The following FDFT1 variants were observed in gnomAD, a reference collection of about 807,000 sequenced individuals.
FDFT1 encodes the protein squalene synthase.
In FDFT1, 68 loss-of-function variants were observed where a neutral mutation model predicts 46.8. The ratio of observed to expected loss-of-function variants is 1.45; its 90% CI spans 1.19 to 1.78. The LOEUF (loss-of-function observed/expected upper bound fraction) is 1.78. FDFT1 is among the 40% of genes most tolerant of loss of function. FDFT1 has a pLI of 0.00. For synonymous variants in FDFT1, 351 were observed against 185.1 expected (o/e 1.90, Z -7.28); for missense variants, 928 against 524.4 (o/e 1.77, Z -7.52).
intron 7 of FDFT1, among the ~76,000 whole-genome samples, chr8:11,837,871 G>C (rs562702594): frequency 6.6e-6 from 1 of 152,274 alleles, no homozygotes; most frequent in African/African-American, 2.4e-5. Flanking sequence ...GGAGGCTTGT[G>C]GAGGAGTGGG....
chr8:11,824,797 G>A (rs190912300), intron 4 of FDFT1, among the ~76,000 whole-genome samples: 66 of 152,192 alleles, frequency 4.3e-4, no homozygotes, highest in South Asian at 1.7e-3. Flanking sequence ...GTGCAGTGGC[G>A]CGATCTCGGC....
chr8:11,831,835 G>C (rs1009469243), intron 7 of FDFT1, 165 bp downstream of exon 7: 2 of 634,334 alleles, frequency 3.2e-6, no homozygotes, highest in Non-Finnish European at 5.5e-6. Context: ...TCTATTCACA[G>C]GAGCCGAGCA....
intron 1 of FDFT1, chr8:11,803,644 CAA>C: frequency 2.1e-6 from 1 of 476,340 alleles, no homozygotes; most frequent in Non-Finnish European, 3.2e-6. Context: ...AATGAATAGA[CAA>C]ATTCAGCCAA....
At position 11,808,453 on chromosome 8, in the gene FDFT1, C is replaced by T. The variant is rs992216099; in HGVS notation, c.100-341C>T. The T allele has an allele frequency of 2.4e-5, 31 of 1,269,688 alleles. 1 individual carries two copies. The highest frequency in any genetic ancestry group is 2.8e-5 in the Non-Finnish European group (28 of 1,011,462). 78.7% of individuals were successfully genotyped at this position (1,269,688 alleles called of 1,614,324 possible). ...TAGAGGGCGAGCCCGTCCCGCCCCT[C>T]GTCGGGCGCTTCCCAGATCTGCTTG... On this transcript the variant is annotated intron_variant, in intron 1 of 7. Transcript: ENST00000220584.
chr8:11,798,394 A>G (rs1036508463), upstream of FDFT1, among the ~76,000 whole-genome samples: 1 of 152,210 alleles, frequency 6.6e-6, no homozygotes, highest in African/African-American at 2.4e-5. Flanking sequence ...TCTACCTGCC[A>G]TATGGGAAAG....
chr8:11,799,983 G>C (rs1371891523), upstream of FDFT1, among the ~76,000 whole-genome samples: 2 of 150,150 alleles, frequency 1.3e-5, no homozygotes, highest in South Asian at 2.1e-4. Flanking sequence ...GCACTCGAAG[G>C]CTGGGCGCAG....
At chr8:11,819,178 C>T (rs530670867) in intron 3 of FDFT1, among the ~76,000 whole-genome samples, 84 of 152,268 alleles carry the variant, frequency 5.5e-4, no homozygotes, top group African/African-American at 1.9e-3. Context: ...TATTGGCCCC[C>T]ACTCTCTTCT....
Position 11,802,879 on chromosome 8 carries a change from T to A in FDFT1, c.47T>A (p.Leu16Gln), listed in dbSNP as rs1179430180. Residue 16 changes from leucine to glutamine, a missense_variant, in exon 1 of 8, where the codon CTG becomes CAG. By Grantham distance (113) the Leu-to-Gln change is moderately radical. Coordinates refer to ENST00000220584, the MANE Select transcript of FDFT1 (RefSeq NM_004462.5). ...GGCCACCCCGAAGAGTTCTACAACC[T>A]GGTGCGCTTCCGGATCGGGGGCAAG... Reference protein sequence around the residue: ...CLGHPEEFYNLVRFRIGGKRK... With the variant: ...CLGHPEEFYNQVRFRIGGKRK... The A allele has an allele frequency of 6.2e-7, 1 of 1,612,394 alleles. No individual in the cohort carries two copies.
chr8:11,831,490 T>TGAGGTCTGGAG, intron 6 of FDFT1, 28 bp from the exon 7 acceptor site: 1 of 1,601,698 alleles, frequency 6.2e-7, no homozygotes, highest in South Asian at 1.1e-5. Context: ...CATTTCTTCT[T>TGAGGTCTGGAG]TTTTCCCTCT....
intron 3 of FDFT1, among the ~76,000 whole-genome samples, chr8:11,815,154 T>C (rs1274055837): frequency 5.9e-5 from 9 of 152,214 alleles, no homozygotes; most frequent in Non-Finnish European, 2.9e-5. Flanking sequence ...TTGCTCAGAA[T>C]GATGATTTCC....
In FDFT1 at chr8:11,821,762, T is replaced by G; in HGVS notation, c.394T>G (p.Phe132Val). 6.2e-7 allele frequency: 1 copy of G among 1,613,302 alleles called. No individual in the cohort carries two copies. The highest frequency in any genetic ancestry group is 8.5e-7 in the Non-Finnish European group (1 of 1,179,430). The change falls in exon 4 of 8, where the codon TTT becomes GTT. Residue 132 changes from phenylalanine (F) to valine (V), a missense_variant. Physicochemically the swap from Phe to Val is conservative, Grantham distance 50. Coordinates refer to ENST00000220584, the MANE Select transcript of FDFT1 (RefSeq NM_004462.5). ...LEDFPTISLE[F>V]RNLAEKYQTV... ...GTTTCCATTTCAGATCTCCCTTGAG[T>G]TTAGAAATCTGGCTGAGAAATACCA...
At chr8:11,835,971 T>TAAAAAAAAAAAAAAAAAAAAAAA (rs755611965) in intron 7 of FDFT1, among the ~76,000 whole-genome samples, 1 of 64,608 alleles carries the variant, frequency 1.5e-5, no homozygotes, top group African/African-American at 5.1e-5. Flanking sequence ...CTGTCTCTAC[T>TAAAAAAAAAAAAAAAAAAAAAAA]AAAAAAAAAA....
At chr8:11,811,451 G>A (rs376035824) in intron 3 of FDFT1, among the ~76,000 whole-genome samples, 2 of 152,216 alleles carry the variant, frequency 1.3e-5, no homozygotes. Flanking sequence ...GTATTGCTAA[G>A]TCAAGGCAGC....
chr8:11,804,935 G>T lies in FDFT1; in HGVS notation c.99+2004G>T, dbSNP rs550605280. ...TTTTTTTTTTTTTTTTGAGGGGGGG[G>T]TCTCACTCCATCGTCCAGGCTAGAA... On this transcript the variant is annotated intron_variant, in intron 1 of 7. Transcript: ENST00000220584. Among the ~76,000 whole-genome samples the T allele has an allele frequency of 1.5e-3, 210 of 144,432 alleles. 2 individuals are homozygous for T. Among genetic ancestry groups the T allele is most frequent in the African/African-American group, 3.5e-3 (135 of 38,908 alleles). The allele number at this position is 144,432 out of a possible 152,430, so 94.8% of individuals were successfully genotyped here.
At chr8:11,835,143 G>C (rs936264932) in intron 7 of FDFT1, among the ~76,000 whole-genome samples, 1 of 152,148 alleles carries the variant, frequency 6.6e-6, no homozygotes, top group African/African-American at 2.4e-5. Context: ...CAAGTATTTG[G>C]CTTCAACTTT....
At chr8:11,801,949 A>C (rs779929195), upstream of FDFT1, 56 of 455,328 alleles carry the variant, frequency 1.2e-4, no homozygotes, top group African/African-American at 1.1e-3. Context: ...TTGGCCTCCC[A>C]AAGTGTTGCG....
intron 7 of FDFT1, among the ~76,000 whole-genome samples, chr8:11,836,754 G>C (rs1282588119): frequency 6.6e-6 from 1 of 152,222 alleles, no homozygotes; most frequent in Non-Finnish European, 1.5e-5. Flanking sequence ...GAAAAGTCTT[G>C]GCTGGGTGGA....
At chr8:11,806,841 A>T (rs1806908045) in intron 1 of FDFT1, among the ~76,000 whole-genome samples, 1 of 152,206 alleles carries the variant, frequency 6.6e-6, no homozygotes, top group Non-Finnish European at 1.5e-5. Flanking sequence ...GTCTTCATTT[A>T]TTCATGACAC....
Position 11,831,646 on chromosome 8 carries a change from C to T in FDFT1, c.1008C>T (p.Ala336=), listed in dbSNP as rs745323379. 3.7e-6 allele frequency: 6 copies of T among 1,613,918 alleles called. No individual in the cohort carries two copies. The Admixed American group carries it at 5.0e-5, about 13-fold the overall frequency. ...MDATNMPAVK[A]IIYQYMEEIY... ...CCACCAATATGCCAGCTGTCAAAGCCATCATATATCAGTATATGGAAGAGG... is the reference window on the plus strand; with the variant it reads ...CCACCAATATGCCAGCTGTCAAAGCTATCATATATCAGTATATGGAAGAGG... Residue 336 remains alanine, a synonymous_variant, in exon 7 of 8, where the codon GCC becomes GCT. Coordinates refer to ENST00000220584, the MANE Select transcript of FDFT1 (RefSeq NM_004462.5).
Sources: gnomAD v4.1 joint callset for allele counts (sites outside exome capture counted in the v4.1 genomes callset) on GRCh38, gnomAD v4.1.1 for gene constraint, MANE v1.5 for transcripts, NCBI Gene and HGNC (gene_info 2026-07-23, HGNC 2026-07-21) for gene names.